EPS15: variants seen among roughly 807,000 people sequenced by gnomAD.
EPS15 encodes epidermal growth factor receptor substrate 15.
In EPS15, 72 loss-of-function variants were observed where a neutral mutation model predicts 113.8. That is an observed-to-expected ratio of 0.63 (90% CI 0.52 to 0.77). The LOEUF is 0.77. Among genes scored for constraint, EPS15 ranks in the 30% least tolerant of loss-of-function variants. EPS15 has a pLI of 0.00. For synonymous variants in EPS15, 344 were observed against 363.4 expected, an observed-to-expected ratio of 0.95 and a Z score of 0.61; for missense variants, 1,048 against 1,045.8, an observed-to-expected ratio of 1.00 and a Z score of -0.03.
chr1:51,486,592 A>G (rs1250761765), intron 1 of EPS15, among the ~76,000 whole-genome samples: 1 of 152,220 alleles, frequency 6.6e-6, no homozygotes, highest in Admixed American at 6.5e-5. Context: ...ATAAAAAATG[A>G]AAAGTAAAAA....
At chr1:51,445,158 G>T in intron 10 of EPS15, 113 bp from the exon 11 acceptor site, 1 of 924,912 alleles carries the variant, frequency 1.1e-6, no homozygotes, top group Non-Finnish European at 1.6e-6. Context: ...TAAAAAGACA[G>T]TCACACCAAC....
chr1:51,503,979 A>C (rs1179525770), intron 1 of EPS15, among the ~76,000 whole-genome samples: 1 of 152,222 alleles, frequency 6.6e-6, no homozygotes, highest in Non-Finnish European at 1.5e-5. Context: ...TAGATATAAT[A>C]GCTAAAACTA....
At chr1:51,497,736 T>C (rs1644348724) in intron 1 of EPS15, among the ~76,000 whole-genome samples, 1 of 152,150 alleles carries the variant, frequency 6.6e-6, no homozygotes, top group Non-Finnish European at 1.5e-5. Flanking sequence ...TCCAGCACTT[T>C]GGGAGGTCAA....
chr1:51,505,004 C>T (rs1012783121), intron 1 of EPS15, among the ~76,000 whole-genome samples: 3 of 151,906 alleles, frequency 2.0e-5, no homozygotes, highest in African/African-American at 7.3e-5. Flanking sequence ...ACCTGTAGTC[C>T]CAGCTACTCG....
chr1:51,372,290 A>C (rs1646675197), intron 21 of EPS15: 3 of 506,774 alleles, frequency 5.9e-6, no homozygotes, highest in Non-Finnish European at 1.2e-5. Context: ...TGCAGAAGGC[A>C]GTGGTCCACC....
At chr1:51,455,100 C>T (rs72910272) in intron 8 of EPS15, among the ~76,000 whole-genome samples, 2,125 of 152,212 alleles carry the variant, frequency 0.014, 52 homozygotes, top group African/African-American at 0.049. Flanking sequence ...CCTAGATTTA[C>T]GGGCCTTTTC....
Position 51,440,337 on chromosome 1 carries a change from C to T in EPS15, c.1040+10G>A, listed in dbSNP as rs770676223. 1 of 1,268,018 alleles carries T rather than the reference C, an allele frequency of 7.9e-7. No homozygotes were observed. Among genetic ancestry groups the T allele is most frequent in the Non-Finnish European group, 1.1e-6 (1 of 900,284 alleles). 78.5% of individuals were successfully genotyped at this position (1,268,018 alleles called of 1,614,324 possible). A position where few individuals can be genotyped will look rare whatever the true frequency, so the allele number is the denominator to read the frequency against. ...TGTATGTGAGTAGGCTGTAATTTTG[C>T]TTTACATACCTCTGTAGGTCAACTA... On this transcript the variant is annotated intron_variant, in intron 12 of 24. Transcript: ENST00000371733.
chr1:51,381,706 G>A (rs76549143), intron 21 of EPS15, among the ~76,000 whole-genome samples: 205 of 152,136 alleles, frequency 1.3e-3, no homozygotes, highest in African/African-American at 4.7e-3. Context: ...TAAATATCAC[G>A]CTCAACCAAT....
intron 4 of EPS15, 139 bp downstream of exon 4, chr1:51,471,551 T>C (rs1010560599): frequency 4.5e-6 from 3 of 661,352 alleles, no homozygotes; most frequent in South Asian, 3.7e-5. Context: ...TTGGAAATAC[T>C]TTGTTACACA....
rs1366291587 is a variant in EPS15 at position 51,476,003 on chromosome 1, T to A, written c.76-3055A>T. Among the ~76,000 whole-genome samples the A allele has an allele frequency of 3.3e-5, 5 of 152,304 alleles. No individual in the cohort carries two copies. In the East Asian group the frequency reaches 7.7e-4, roughly 23 times the overall value. On this transcript the variant is annotated intron_variant, in intron 2 of 24. Transcript: ENST00000371733. ...ATCAGATGACTGTAGATGTGTGGTATTATTTCTGAGGGCTCTGCTCTGTTC... is the reference window on the plus strand; with the variant it reads ...ATCAGATGACTGTAGATGTGTGGTAATATTTCTGAGGGCTCTGCTCTGTTC...
rs3040220 is a variant in EPS15, at chr1:51,440,277, C to CTGTGTG, written c.1040+64_1040+69dup. ...GAAGTTGTATACATATATACATGTA[C>CTGTGTG]TGTGTGTGTGTGTGTGTGTGTGTGT... On this transcript the variant is annotated intron_variant, in intron 12 of 24. Coordinates refer to ENST00000371733, the MANE Select transcript of EPS15 (RefSeq NM_001981.3). The CTGTGTG allele has an allele frequency of 3.2e-3, 1,424 of 444,630 alleles. 6 individuals are homozygous for CTGTGTG. Among genetic ancestry groups the CTGTGTG allele is most frequent in the East Asian group, 8.7e-3 (239 of 27,594 alleles). 27.5% of individuals were successfully genotyped at this position (444,630 alleles called of 1,614,324 possible).
chr1:51,418,447 A>C (rs1008343609), intron 13 of EPS15, among the ~76,000 whole-genome samples: 12 of 152,104 alleles, frequency 7.9e-5, no homozygotes, highest in African/African-American at 2.9e-4. Flanking sequence ...GAAAATGCAC[A>C]GTGTGGTATG....
chr1:51,481,155 T>C (rs937442694), intron 2 of EPS15, 118 bp downstream of exon 2: 11 of 694,486 alleles, frequency 1.6e-5, no homozygotes, highest in South Asian at 1.5e-4. Flanking sequence ...GTAAACAAGA[T>C]GTTGAAAACA....
intron 20 of EPS15, among the ~76,000 whole-genome samples, chr1:51,395,024 A>G (rs1033255488): frequency 6.6e-6 from 1 of 152,046 alleles, no homozygotes; most frequent in African/African-American, 2.4e-5. Context: ...GTATGCCACC[A>G]TACCTGGGTA....
chr1:51,493,043 C>A (rs1644263462), intron 1 of EPS15, among the ~76,000 whole-genome samples: 4 of 151,300 alleles, frequency 2.6e-5, no homozygotes, highest in Admixed American at 2.6e-4. Flanking sequence ...CTGCCTAACA[C>A]AGTGAAACCC....
intron 18 of EPS15, among the ~76,000 whole-genome samples, chr1:51,401,921 G>A (rs1410077052): frequency 2.6e-5 from 4 of 152,036 alleles, no homozygotes; most frequent in Admixed American, 1.3e-4. Context: ...GGCGGATCAC[G>A]AGGTCAAGAG....
Position 51,356,296 on chromosome 1 carries a change from T to C in EPS15, c.*404A>G, listed in dbSNP as rs144646125. 5.7e-5 allele frequency: 13 copies of C among 228,074 alleles called. No individual in the cohort carries two copies. The East Asian group carries it at 7.7e-4, about 13-fold the overall frequency. 14.1% of individuals were successfully genotyped at this position (228,074 alleles called of 1,614,324 possible). ...CTCAACCATTCCAATCAGGGGAGAA[T>C]ACTGCAAACTTTAAGAACCTCACTG... On this transcript the variant is annotated 3_prime_UTR_variant, in exon 25 of 25. Transcript: ENST00000371733.
In EPS15 at chr1:51,386,815, T is replaced by C. The variant is rs565793684; in HGVS notation, c.2119+7566A>G. On this transcript the variant is annotated intron_variant, in intron 21 of 24. Coordinates refer to ENST00000371733, the MANE Select transcript of EPS15 (RefSeq NM_001981.3). ...ACAAAGCCTCCAAGAAATATGGGAC[T>C]ATGTGAAAAGACCAAATCTACATCT... 1.5e-3 allele frequency among the ~76,000 whole-genome samples: 234 copies of C among 152,242 alleles called. 1 individual carries two copies. The highest frequency in any genetic ancestry group is 5.3e-3 in the African/African-American group (222 of 41,540).
At chr1:51,511,953 T>C (rs1378403210) in intron 1 of EPS15, among the ~76,000 whole-genome samples, 1 of 152,224 alleles carries the variant, frequency 6.6e-6, no homozygotes, top group African/African-American at 2.4e-5. Flanking sequence ...CTTTTCTTTG[T>C]ATATTTTTAC....
Sources: allele counts gnomAD v4.1 joint callset (sites outside exome capture counted in the v4.1 genomes callset), GRCh38; gene constraint gnomAD v4.1.1; transcripts MANE v1.5; gene names NCBI Gene and HGNC (gene_info 2026-07-23, HGNC 2026-07-21).